Variants in C19orf25 observed in about 807,000 individuals in gnomAD.
C19orf25 encodes the protein chromosome 19 open reading frame 25, also known as UPF0449 protein C19orf25.
A neutral mutation model predicts 3.1 loss-of-function variants in C19orf25; 1 was observed. That is an observed-to-expected ratio of 0.32 (90% confidence interval 0.12 to 1.54). The LOEUF (loss-of-function observed/expected upper bound fraction) is 1.54, where lower values mean the gene tolerates loss of function less well. Among genes scored for constraint, C19orf25 ranks in the 40% most tolerant of loss-of-function variants. The pLI is 0.38. For synonymous variants in C19orf25, 91 were observed against 74.3 expected, an observed-to-expected ratio of 1.23 and a Z score of -1.16; for missense variants, 196 against 160.4, an observed-to-expected ratio of 1.22 and a Z score of -1.20.
At chr19:1,477,085 C>T (rs1238587800) in intron 2 of C19orf25, among the ~76,000 whole-genome samples, 1 of 151,734 alleles carries the variant, frequency 6.6e-6, no homozygotes, top group Non-Finnish European at 1.5e-5. Flanking sequence ...CTGCAACCTC[C>T]GCCTCCTGGG....
At chr19:1,476,564 T>C (rs1355516556) in intron 2 of C19orf25, 1 of 346,346 alleles carries the variant, frequency 2.9e-6, no homozygotes. Flanking sequence ...CTCCCACCGA[T>C]GCTGGTCCAC....
chr19:1,475,153 G>A lies in C19orf25; in HGVS notation c.236C>T (p.Ala79Val), dbSNP rs546152193. 2.8e-5 allele frequency: 44 copies of A among 1,584,924 alleles called. No individual in the cohort carries two copies. The highest frequency in any genetic ancestry group is 1.9e-4 in the East Asian group (8 of 43,126). The change falls in exon 3 of 3, where the codon GCG (alanine) becomes GTG (valine). Residue 79 changes from alanine (A) to valine (V), a missense_variant. Coordinates refer to ENST00000585675, the MANE Select transcript of C19orf25 (RefSeq NM_152482.3). ...YVAANQRLQQ[A>V]GNVLRQRCEL... ...ACACCTCTGCCTCAGCACGTTGCCC[G>A]CCTGCTGCAGCCGCTGGTTGGCAGC...
rs1217614737 is a variant in C19orf25 at position 1,474,784 on chromosome 19, C to T, written c.*248G>A. On this transcript the variant is annotated 3_prime_UTR_variant, in exon 3 of 3. Coordinates refer to ENST00000585675, the MANE Select transcript of C19orf25 (RefSeq NM_152482.3). Reference sequence around the variant, plus strand: ...AGAATCACAGTACAGCAATAATGTCCCTATCCTCTTCCAGAACCCCAGTGG... The same window carrying T: ...AGAATCACAGTACAGCAATAATGTCTCTATCCTCTTCCAGAACCCCAGTGG... 1.4e-6 allele frequency: 2 copies of T among 1,435,486 alleles called. No individual in the cohort carries two copies. The highest frequency in any genetic ancestry group is 2.9e-5 in the South Asian group (2 of 68,706). 88.9% of individuals were successfully genotyped at this position (1,435,486 alleles called of 1,614,324 possible).
Position 1,479,148 on chromosome 19 carries a change from C to G in C19orf25, c.-3+15G>C. On this transcript the variant is annotated intron_variant, in intron 1 of 2. Coordinates refer to ENST00000585675, the MANE Select transcript of C19orf25 (RefSeq NM_152482.3). ...AGTTTCCCCGCGGTCACCCCAGTCGCCGGCCTCTTCCCACCTGGGCGCGGG... is the reference window on the plus strand; with the variant it reads ...AGTTTCCCCGCGGTCACCCCAGTCGGCGGCCTCTTCCCACCTGGGCGCGGG... 7.7e-7 allele frequency: 1 copy of G among 1,293,160 alleles called. No homozygotes were observed. Among genetic ancestry groups the G allele is most frequent in the Non-Finnish European group, 9.8e-7 (1 of 1,022,792 alleles). The allele number at this position is 1,293,160 out of a possible 1,614,324, so 80.1% of individuals were successfully genotyped here. A position where few individuals can be genotyped will look rare whatever the true frequency, so the allele number is the denominator to read the frequency against.
At chr19:1,476,933 T>C (rs1409973770) in intron 2 of C19orf25, among the ~76,000 whole-genome samples, 1 of 143,380 alleles carries the variant, frequency 7.0e-6, no homozygotes, top group East Asian at 2.2e-4. Context: ...TTTCTAATAT[T>C]ACTTTTTAAA....
rs529469197 is a variant in C19orf25 at position 1,478,808 on chromosome 19, T to C, written c.96A>G (p.Ala32=). The part of the protein sequence containing the change: ...QILEDVRGAP[A]EDPVFTILAP... Reference sequence around the variant, plus strand: ...CCAGGATGGTGAACACTGGATCCTCTGCCGGCGCACCCCGCACATCCTCCA... The same window carrying C: ...CCAGGATGGTGAACACTGGATCCTCCGCCGGCGCACCCCGCACATCCTCCA... Residue 32 remains alanine (A), a synonymous_variant, in exon 2 of 3, where the codon GCA becomes GCG. Transcript: ENST00000585675. The C allele has an allele frequency of 6.3e-7, 1 of 1,585,854 alleles. No homozygotes were observed. Among genetic ancestry groups the C allele is most frequent in the East Asian group, 2.3e-5 (1 of 43,210 alleles).
chr19:1,478,417 GTT>G, intron 2 of C19orf25: 9 of 254,618 alleles, frequency 3.5e-5, no homozygotes, highest in East Asian at 8.8e-5. Flanking sequence ...ACTCTGTTTT[GTT>G]TTTGTTTTTG....
Position 1,474,846 on chromosome 19 carries a change from G to T in C19orf25, c.*186C>A. The T allele has an allele frequency of 6.8e-7, 1 of 1,471,480 alleles. No homozygotes were observed. Among genetic ancestry groups the T allele is most frequent in the Non-Finnish European group, 9.0e-7 (1 of 1,111,694 alleles). 91.2% of individuals were successfully genotyped at this position (1,471,480 alleles called of 1,614,324 possible). A position where few individuals can be genotyped will look rare whatever the true frequency, so the allele number is the denominator to read the frequency against. On this transcript the variant is annotated 3_prime_UTR_variant, in exon 3 of 3. Transcript: ENST00000585675. ...CACGCAGGACGGAGCCAGCTGGGTG[G>T]GTCCCACCAACTCGGCATGAATGAG...
rs764134541 is a variant in C19orf25, at chr19:1,474,877, G to C, written c.*155C>G. 2 of 1,498,886 alleles carry C rather than the reference G, an allele frequency of 1.3e-6. No homozygotes were observed. Among genetic ancestry groups the C allele is most frequent in the Non-Finnish European group, 1.8e-6 (2 of 1,124,392 alleles). 92.8% of individuals were successfully genotyped at this position (1,498,886 alleles called of 1,614,324 possible). On this transcript the variant is annotated 3_prime_UTR_variant, in exon 3 of 3. Coordinates refer to ENST00000585675, the MANE Select transcript of C19orf25 (RefSeq NM_152482.3). The stretch of plus-strand genomic sequence containing the variant: ...ACCAACTCGGCATGAATGAGACGAC[G>C]GATGAACCGCAGCCCCAGCATCAGG...
chr19:1,478,809 GC>G lies in C19orf25; in HGVS notation c.94del (p.Ala32GlnfsTer20). The G allele has an allele frequency of 1.3e-6, 2 of 1,586,184 alleles. No individual in the cohort carries two copies. Among genetic ancestry groups the G allele is most frequent in the Middle Eastern group, 1.7e-4 (1 of 6,002 alleles). ...QILEDVRGAP[A>X]EDPVFTILAP... ...CAGGATGGTGAACACTGGATCCTCT[GC>G]CGGCGCACCCCGCACATCCTCCAGG... On this transcript the variant is annotated frameshift_variant, in exon 2 of 3. Transcript: ENST00000585675. LOFTEE classifies it low-confidence loss of function (END_TRUNC).
chr19:1,478,707 C>A (rs926584066), intron 2 of C19orf25, 67 bp downstream of exon 2: 51 of 1,532,336 alleles, frequency 3.3e-5, no homozygotes, highest in Non-Finnish European at 4.1e-5. Context: ...TAGGGGTGTG[C>A]TTCTCTCCCG....
At chr19:1,477,062 C>T (rs1176673782) in intron 2 of C19orf25, among the ~76,000 whole-genome samples, 11 of 151,170 alleles carry the variant, frequency 7.3e-5, no homozygotes, top group Non-Finnish European at 1.3e-4. Flanking sequence ...TACAGTGGCA[C>T]GATCTCAGCT....
chr19:1,476,142 C>T (rs1399222942), intron 2 of C19orf25: 4 of 398,714 alleles, frequency 1.0e-5, no homozygotes, highest in South Asian at 1.3e-4. Context: ...AAGCCCAGTG[C>T]AGCAGGGCTG....
In C19orf25 at chr19:1,473,456, G is replaced by A. The variant is rs969490919; in HGVS notation, c.*1576C>T. The A allele has an allele frequency of 9.2e-5, 14 of 152,278 alleles. No individual in the cohort carries two copies. Among genetic ancestry groups the A allele is most frequent in the African/African-American group, 3.4e-4 (14 of 41,464 alleles). 9.4% of individuals were successfully genotyped at this position (152,278 alleles called of 1,614,324 possible). A position where few individuals can be genotyped will look rare whatever the true frequency, so the allele number is the denominator to read the frequency against. On this transcript the variant is annotated 3_prime_UTR_variant, in exon 3 of 3. Coordinates refer to ENST00000585675, the MANE Select transcript of C19orf25 (RefSeq NM_152482.3). ...CAGGAGTCTCCCCCTGGTCCCAAGG[G>A]AGGGCAGGCTCCAGGGGGTGCACAG...
intron 2 of C19orf25, among the ~76,000 whole-genome samples, chr19:1,477,718 C>T (rs533702426): frequency 3.7e-4 from 57 of 152,070 alleles, no homozygotes; most frequent in Middle Eastern, 3.2e-3. Flanking sequence ...TCTTTTTCAC[C>T]CACCCCCATT....
At chr19:1,478,507 C>T in intron 2 of C19orf25, 1 of 1,087,508 alleles carries the variant, frequency 9.2e-7, no homozygotes, top group Non-Finnish European at 1.2e-6. Flanking sequence ...CTCCTGGGCT[C>T]AAGCGATCCT....
In C19orf25 at chr19:1,474,877, G is replaced by A. The variant is rs764134541; in HGVS notation, c.*155C>T. Reference sequence around the variant, plus strand: ...ACCAACTCGGCATGAATGAGACGACGGATGAACCGCAGCCCCAGCATCAGG... The same window carrying A: ...ACCAACTCGGCATGAATGAGACGACAGATGAACCGCAGCCCCAGCATCAGG... On this transcript the variant is annotated 3_prime_UTR_variant, in exon 3 of 3. Transcript: ENST00000585675. 256 of 1,499,004 alleles carry A rather than the reference G, an allele frequency of 1.7e-4. No homozygotes were observed. Among genetic ancestry groups the A allele is most frequent in the South Asian group, 1.1e-3 (89 of 80,232 alleles). 92.9% of individuals were successfully genotyped at this position (1,499,004 alleles called of 1,614,324 possible).
chr19:1,474,726 C>A lies in C19orf25; in HGVS notation c.*306G>T. ...AGGTGGCACCTGCTCCCAGGGGCCCCACTGCAGAGCACGGCCACTGTGAGC... is the reference window on the plus strand; with the variant it reads ...AGGTGGCACCTGCTCCCAGGGGCCCAACTGCAGAGCACGGCCACTGTGAGC... On this transcript the variant is annotated 3_prime_UTR_variant, in exon 3 of 3. Coordinates refer to ENST00000585675, the MANE Select transcript of C19orf25 (RefSeq NM_152482.3). 3.0e-6 allele frequency: 4 copies of A among 1,348,286 alleles called. No individual in the cohort carries two copies. The highest frequency in any genetic ancestry group is 3.9e-6 in the Non-Finnish European group (4 of 1,025,418). 83.5% of individuals were successfully genotyped at this position (1,348,286 alleles called of 1,614,324 possible). A position where few individuals can be genotyped will look rare whatever the true frequency, so the allele number is the denominator to read the frequency against.
chr19:1,473,387 G>C lies in C19orf25; in HGVS notation c.*1645C>G, dbSNP rs539553275. On this transcript the variant is annotated 3_prime_UTR_variant, in exon 3 of 3. Transcript: ENST00000585675. ...AGCAGAAACTGGGGGCACAGGGTTT[G>C]TGGGCACCCCACCCAGATGGGCCGG... 7 of 152,454 alleles carry C rather than the reference G, an allele frequency of 4.6e-5. No individual in the cohort carries two copies. The East Asian group carries it at 9.6e-4, about 21-fold the overall frequency. 9.4% of individuals were successfully genotyped at this position (152,454 alleles called of 1,614,324 possible).
Sources: gnomAD v4.1 joint callset for allele counts (sites outside exome capture counted in the v4.1 genomes callset) on GRCh38, gnomAD v4.1.1 for gene constraint, MANE v1.5 for transcripts, NCBI Gene and HGNC (gene_info 2026-07-23, HGNC 2026-07-21) for gene names.